Variants in BAHCC1 observed in about 807,000 individuals in gnomAD.
The protein encoded by BAHCC1 is BAH domain and coiled-coil containing 1, also known as BAH and coiled-coil domain-containing protein 1.
A neutral mutation model predicts 88.2 loss-of-function variants in BAHCC1; 43 were observed. That is an observed-to-expected ratio of 0.49 (90% confidence interval 0.38 to 0.63). The LOEUF is 0.63. Ranked by LOEUF, BAHCC1 falls within the 20% of genes least tolerant of loss-of-function variation. The pLI is 0.00. For synonymous variants in BAHCC1, 1,510 were observed against 745.5 expected, an observed-to-expected ratio of 2.03 and a Z score of -16.71; for missense variants, 3,023 against 1,654.8, an observed-to-expected ratio of 1.83 and a Z score of -14.34.
chr17:81,430,646 G>A (rs944218125), intron 3 of BAHCC1, among the ~76,000 whole-genome samples: 1 of 152,180 alleles, frequency 6.6e-6, no homozygotes, highest in Non-Finnish European at 1.5e-5. Context: ...AGGGACAGAG[G>A]TCCCACCAGC....
At chr17:81,425,056 TTGG>T (rs1171466175) in intron 2 of BAHCC1, among the ~76,000 whole-genome samples, 2 of 135,872 alleles carry the variant, frequency 1.5e-5, no homozygotes, top group East Asian at 2.3e-4. Context: ...GGTGATGTGG[TTGG>T]TGGTGATGTG....
intron 10 of BAHCC1, chr17:81,446,739 G>C (rs151315470): frequency 6.0e-4 from 334 of 561,322 alleles, no homozygotes; most frequent in African/African-American, 5.3e-3. Flanking sequence ...TTTTTGTAGT[G>C]GCACGTGCTC....
chr17:81,407,303 C>G (rs1192482286), intron 2 of BAHCC1: 2 of 517,954 alleles, frequency 3.9e-6, no homozygotes, highest in Non-Finnish European at 7.7e-6. Context: ...CTTGGGGTAC[C>G]CCACCAAAAA....
chr17:81,456,344 C>T lies in BAHCC1; in HGVS notation c.4617C>T (p.Pro1539=). Residue 1539 remains proline, a synonymous_variant, in exon 16 of 28, where the codon CCC becomes CCT. Transcript: ENST00000675386. ...GCAGCTGTCAGGGCGGGCTGGCGCC[C>T]TCCGTGGCCCACAGGGTGGCCCAGC... ...KKSSCQGGLA[P]SVAHRVAQLK... The T allele has an allele frequency of 1.4e-6, 1 of 723,760 alleles. No homozygotes were observed. The allele number at this position is 723,760 out of a possible 1,614,324, so 44.8% of individuals were successfully genotyped here.
chr17:81,417,396 C>T (rs1262446754), intron 2 of BAHCC1, among the ~76,000 whole-genome samples: 1 of 151,986 alleles, frequency 6.6e-6, no homozygotes, highest in African/African-American at 2.4e-5. Flanking sequence ...CCCAGGAGAG[C>T]GGGTGAGAGA....
chr17:81,429,636 C>T (rs1465952320), intron 3 of BAHCC1, among the ~76,000 whole-genome samples: 3 of 152,124 alleles, frequency 2.0e-5, no homozygotes, highest in Non-Finnish European at 4.4e-5. Context: ...GCGACTCGGC[C>T]GGAGAGTGGG....
chr17:81,458,575 C>T (rs1555658143), intron 18 of BAHCC1, 46 bp from the exon 19 acceptor site: 2 of 701,858 alleles, frequency 2.8e-6, no homozygotes, highest in African/African-American at 1.8e-5. Context: ...CAACCTGAGG[C>T]TGTCCCACCC....
rs143430719 is a variant in BAHCC1, at chr17:81,421,763, G to A, written c.179-5037G>A. On this transcript the variant is annotated intron_variant, in intron 2 of 27. Transcript: ENST00000675386. ...TGGCCTGCTGAGCAGCCAGTGAGAC[G>A]CCCTGGCAGCAGCTGCCGCCAGAGC... 7.7e-3 allele frequency among the ~76,000 whole-genome samples: 1,174 copies of A among 152,318 alleles called. 15 individuals carry two copies. Among genetic ancestry groups the A allele is most frequent in the African/African-American group, 0.026 (1,091 of 41,566 alleles).
chr17:81,453,558 G>C (rs1165584976), intron 14 of BAHCC1, among the ~76,000 whole-genome samples: 2 of 152,146 alleles, frequency 1.3e-5, no homozygotes, highest in African/African-American at 4.8e-5. Context: ...GGGGCTGTGT[G>C]GCTGTGGGCA....
At chr17:81,398,676 G>A (rs537344054) in intron 1 of BAHCC1, among the ~76,000 whole-genome samples, 1 of 152,368 alleles carries the variant, frequency 6.6e-6, no homozygotes, top group African/African-American at 2.4e-5. Flanking sequence ...ATTGGGGGGC[G>A]GGGTGATTGT....
At chr17:81,410,586 G>A (rs1297749763) in intron 2 of BAHCC1, among the ~76,000 whole-genome samples, 2 of 152,098 alleles carry the variant, frequency 1.3e-5, no homozygotes, top group Non-Finnish European at 2.9e-5. Flanking sequence ...AGGCACCACG[G>A]GTCGAGGCAC....
chr17:81,401,717 G>A (rs372858512), intron 2 of BAHCC1: 6 of 152,338 alleles, frequency 3.9e-5, no homozygotes, highest in East Asian at 3.9e-4. Context: ...GTAACAGCAC[G>A]ACAGAGACAG....
rs991564930 is a variant in BAHCC1, at chr17:81,465,131, G to A, written c.*1314G>A. On this transcript the variant is annotated 3_prime_UTR_variant, in exon 28 of 28. Transcript: ENST00000675386. ...CAGGCCAGCAGTGCTGTGGCCAGGG[G>A]AGAAGAAAATAAAACGCAGGCCCTG... 1 of 152,258 alleles carries A rather than the reference G, an allele frequency of 6.6e-6. No homozygotes were observed. The highest frequency in any genetic ancestry group is 2.4e-5 in the African/African-American group (1 of 41,458). The allele number at this position is 152,258 out of a possible 1,614,324, so 9.4% of individuals were successfully genotyped here. A position where few individuals can be genotyped will look rare whatever the true frequency, so the allele number is the denominator to read the frequency against.
In BAHCC1 at chr17:81,399,678, GC is replaced by G. The variant is rs782776855; in HGVS notation, c.-57del. 4 of 971,256 alleles carry G rather than the reference GC, an allele frequency of 4.1e-6. No homozygotes were observed. The highest frequency in any genetic ancestry group is 4.9e-6 in the Non-Finnish European group (4 of 817,452). The allele number at this position is 971,256 out of a possible 1,614,324, so 60.2% of individuals were successfully genotyped here. A position where few individuals can be genotyped will look rare whatever the true frequency, so the allele number is the denominator to read the frequency against. ...CTCTGCGCCGCCCGCGCGCCGAGCC[GC>G]CCCCGGGCCCCGGCCGCGCTGCTCC... is the stretch of plus-strand genomic sequence containing the variant. On this transcript the variant is annotated 5_prime_UTR_variant, in exon 2 of 28. Transcript: ENST00000675386. This position sits in a 1 kb window ranked among gnomAD's most constrained non-coding sequence, Gnocchi z 4.5.
rs1440263144 is a variant in BAHCC1, at chr17:81,413,091, C to G, written c.178+13174C>G. On this transcript the variant is annotated intron_variant, in intron 2 of 27. Coordinates refer to ENST00000675386, the MANE Select transcript of BAHCC1 (RefSeq NM_001377448.1). ...AGCGCCAATTACATAAAGGTGAACA[C>G]CAGGGTCCAGGGTTATCAGGGCCTT... The G allele has an allele frequency of 6.8e-6, 3 of 442,036 alleles. No homozygotes were observed. In the Admixed American group the frequency reaches 7.3e-5, roughly 11 times the overall value. The allele number at this position is 442,036 out of a possible 1,614,324, so 27.4% of individuals were successfully genotyped here.
At chr17:81,463,414 G>T (rs904993732) in intron 27 of BAHCC1, among the ~76,000 whole-genome samples, 197 bp from the exon 28 acceptor site, 3 of 152,176 alleles carry the variant, frequency 2.0e-5, no homozygotes, top group African/African-American at 2.4e-5. Context: ...GAGGGTCCCC[G>T]GCAGGTTCCT....
intron 2 of BAHCC1, among the ~76,000 whole-genome samples, chr17:81,418,352 G>A (rs1235029479): frequency 6.6e-6 from 1 of 152,168 alleles, no homozygotes; most frequent in Admixed American, 6.5e-5. Context: ...TTGGCTGCCC[G>A]CCAGAATCTA....
chr17:81,434,249 G>A lies in BAHCC1; in HGVS notation c.359-4121G>A, dbSNP rs371615494. Among the ~76,000 whole-genome samples the A allele has an allele frequency of 4.8e-4, 73 of 152,280 alleles. 1 individual carries two copies. Among genetic ancestry groups the A allele is most frequent in the South Asian group, 1.9e-3 (9 of 4,828 alleles). ...AGGGCCTCCCAGGCTGGCTGCCCAC[G>A]TGCACATTCCAGGCTCGGGGCCACG... On this transcript the variant is annotated intron_variant, in intron 3 of 27. Transcript: ENST00000675386. This position sits in a 1 kb window ranked among gnomAD's most constrained non-coding sequence, Gnocchi z 4.9.
chr17:81,411,730 C>G lies in BAHCC1; in HGVS notation c.178+11813C>G, dbSNP rs1401467792. 3.4e-6 allele frequency: 1 copy of G among 290,612 alleles called. No individual in the cohort carries two copies. 18.0% of individuals were successfully genotyped at this position (290,612 alleles called of 1,614,324 possible). On this transcript the variant is annotated intron_variant, in intron 2 of 27. Coordinates refer to ENST00000675386, the MANE Select transcript of BAHCC1 (RefSeq NM_001377448.1). The surrounding 1 kb of genome is among the most constrained non-coding windows in gnomAD (Gnocchi z 6.2). ...GCCCACCCTGCCAGGGAGGCCTCAG[C>G]ATAGTCCTTGAGCTCTGGGGGCCCC... is the stretch of plus-strand genomic sequence containing the variant.
Sources: allele counts gnomAD v4.1 joint callset (sites outside exome capture counted in the v4.1 genomes callset), GRCh38; gene constraint gnomAD v4.1.1; non-coding constraint Gnocchi (gnomAD v3.1); transcripts MANE v1.5; gene names NCBI Gene and HGNC (gene_info 2026-07-23, HGNC 2026-07-21).